Variants in ZNF474 observed in about 807,000 individuals in gnomAD.
ZNF474 encodes zinc finger protein 474.
For synonymous variants in ZNF474, 192 were observed against 162.2 expected (o/e 1.18, Z -1.39); for missense variants, 511 against 433.8 (o/e 1.18, Z -1.58).
rs79888636 is a variant in ZNF474 at position 122,131,920 on chromosome 5, T to G, written c.-213+2237T>G. Reference sequence around the variant, plus strand: ...TTTAAGTACAAAATTTGATGAGTTTTGACAAATGATTATATCCATGAACCA... The same window carrying G: ...TTTAAGTACAAAATTTGATGAGTTTGGACAAATGATTATATCCATGAACCA... On this transcript the variant is annotated intron_variant, in intron 1 of 1. Coordinates refer to ENST00000296600, the MANE Select transcript of ZNF474 (RefSeq NM_207317.3). Among the ~76,000 whole-genome samples the G allele has an allele frequency of 6.4e-3, 981 of 152,240 alleles. 13 individuals carry two copies. Among genetic ancestry groups the G allele is most frequent in the African/African-American group, 0.022 (919 of 41,576 alleles).
chr5:122,142,992 G>C (rs572928780), intron 1 of ZNF474, among the ~76,000 whole-genome samples: 1 of 152,284 alleles, frequency 6.6e-6, no homozygotes, highest in South Asian at 2.1e-4. Flanking sequence ...ATTTTCCTCA[G>C]AAACAGCTTT....
intron 1 of ZNF474, among the ~76,000 whole-genome samples, chr5:122,134,071 G>A (rs1172857360): frequency 6.6e-6 from 1 of 152,146 alleles, no homozygotes; most frequent in African/African-American, 2.4e-5. Context: ...AAATGGTGAA[G>A]AATGTGAACA....
At chr5:122,144,800 C>G (rs999096280) in intron 1 of ZNF474, among the ~76,000 whole-genome samples, 1 of 152,080 alleles carries the variant, frequency 6.6e-6, no homozygotes, top group Non-Finnish European at 1.5e-5. Context: ...ATATTATAGG[C>G]CTCTAATGTG....
chr5:122,149,575 C>T (rs575608488), intron 1 of ZNF474, among the ~76,000 whole-genome samples: 57 of 152,264 alleles, frequency 3.7e-4, no homozygotes, highest in Middle Eastern at 3.4e-3. Context: ...GAAAGAGCCA[C>T]GTATTGGAGC....
chr5:122,142,984 T>C (rs1027341325), intron 1 of ZNF474, among the ~76,000 whole-genome samples: 2 of 152,130 alleles, frequency 1.3e-5, no homozygotes, highest in African/African-American at 2.4e-5. Context: ...TCCCAGGCAT[T>C]TTCCTCAGAA....
intron 1 of ZNF474, among the ~76,000 whole-genome samples, chr5:122,138,659 A>G (rs1336026391): frequency 6.6e-6 from 1 of 152,208 alleles, no homozygotes; most frequent in Non-Finnish European, 1.5e-5. Flanking sequence ...TAAGTGTCAG[A>G]TGGACTAGCA....
At chr5:122,140,063 C>T (rs751601633) in intron 1 of ZNF474, among the ~76,000 whole-genome samples, 4 of 152,148 alleles carry the variant, frequency 2.6e-5, no homozygotes, top group Admixed American at 1.3e-4. Flanking sequence ...CAGACCATCA[C>T]GGAAAACTCT....
chr5:122,138,235 G>A (rs1755754508), intron 1 of ZNF474, among the ~76,000 whole-genome samples: 2 of 152,122 alleles, frequency 1.3e-5, no homozygotes, highest in Non-Finnish European at 2.9e-5. Flanking sequence ...TTATTAATGG[G>A]CAATCACATA....
intron 1 of ZNF474, among the ~76,000 whole-genome samples, chr5:122,135,218 CCAGCTA>C (rs779412363): frequency 8.5e-5 from 13 of 152,128 alleles, no homozygotes; most frequent in Non-Finnish European, 1.6e-4. Flanking sequence ...ACCTATAATC[CCAGCTA>C]CTCAGGAGGC....
At chr5:122,149,918 C>T (rs940140593) in intron 1 of ZNF474, among the ~76,000 whole-genome samples, 5 of 143,322 alleles carry the variant, frequency 3.5e-5, no homozygotes, top group South Asian at 2.3e-4. Flanking sequence ...TGTGTGCGCG[C>T]GTGAGAGAGA....
intron 1 of ZNF474, among the ~76,000 whole-genome samples, chr5:122,149,023 C>T (rs1368509701): frequency 2.0e-5 from 3 of 152,216 alleles, no homozygotes; most frequent in Admixed American, 1.3e-4. Context: ...AACCACCGCG[C>T]CCGGCCTGGA....
At chr5:122,132,633 A>G (rs1019699535) in intron 1 of ZNF474, among the ~76,000 whole-genome samples, 2 of 152,152 alleles carry the variant, frequency 1.3e-5, no homozygotes, top group Non-Finnish European at 1.5e-5. Flanking sequence ...TTTTATATTT[A>G]GTTCCATGAT....
intron 1 of ZNF474, among the ~76,000 whole-genome samples, chr5:122,132,238 T>C (rs1174250771): frequency 6.6e-6 from 1 of 152,182 alleles, no homozygotes; most frequent in African/African-American, 2.4e-5. Context: ...TCCATTGATG[T>C]ATATTTATGT....
At chr5:122,131,888 C>A (rs1755586366) in intron 1 of ZNF474, among the ~76,000 whole-genome samples, 1 of 151,882 alleles carries the variant, frequency 6.6e-6, no homozygotes, top group Non-Finnish European at 1.5e-5. Flanking sequence ...TAATAAAATG[C>A]ACCCATTTTA....
At chr5:122,135,207 C>A (rs889963570) in intron 1 of ZNF474, among the ~76,000 whole-genome samples, 4 of 152,200 alleles carry the variant, frequency 2.6e-5, no homozygotes. Flanking sequence ...TGGTGCCATG[C>A]ACCTATAATC....
rs1477601033 is a variant in ZNF474, at chr5:122,152,659, C to A, written c.669C>A (p.Ile223=). The A allele has an allele frequency of 6.2e-7, 1 of 1,614,206 alleles. No homozygotes were observed. Among genetic ancestry groups the A allele is most frequent in the Non-Finnish European group, 8.5e-7 (1 of 1,180,044 alleles). ...SGTPARPRTV[I]CYICGKEFGT... Reference sequence around the variant, plus strand: ...CCCCAGCCCGACCAAGGACTGTTATCTGCTACATATGTGGTAAGGAATTTG... The same window carrying A: ...CCCCAGCCCGACCAAGGACTGTTATATGCTACATATGTGGTAAGGAATTTG... Residue 223 remains isoleucine, a synonymous_variant, in exon 2 of 2, where the codon ATC becomes ATA. Transcript: ENST00000296600.
chr5:122,143,180 C>T (rs894874823), intron 1 of ZNF474, among the ~76,000 whole-genome samples: 1 of 152,096 alleles, frequency 6.6e-6, no homozygotes, highest in Non-Finnish European at 1.5e-5. Context: ...AGGTTCCTCC[C>T]GGATTCAGTG....
intron 1 of ZNF474, among the ~76,000 whole-genome samples, chr5:122,141,150 AT>A (rs1242990520): frequency 2.8e-5 from 1 of 35,108 alleles, no homozygotes; most frequent in South Asian, 1.3e-3. Context: ...ATTTTATTTT[AT>A]TTTATTTTAT....
intron 1 of ZNF474, among the ~76,000 whole-genome samples, chr5:122,144,429 T>G (rs1308340599): frequency 6.6e-6 from 1 of 152,214 alleles, no homozygotes; most frequent in Non-Finnish European, 1.5e-5. Flanking sequence ...CAGCTGTTAC[T>G]CAGCATCAGC....
Sources: gnomAD v4.1 joint callset for allele counts (sites outside exome capture counted in the v4.1 genomes callset) on GRCh38, gnomAD v4.1.1 for gene constraint, MANE v1.5 for transcripts, NCBI Gene and HGNC (gene_info 2026-07-23, HGNC 2026-07-21) for gene names.